The following CDCA5 variants were observed in gnomAD, a reference collection of about 807,000 sequenced individuals.
CDCA5 encodes sororin.
In CDCA5, 14 loss-of-function variants were observed where a neutral mutation model predicts 25.7. The observed-to-expected ratio is 0.54, with a 90% CI of 0.36 to 0.85. The LOEUF is 0.85. Among genes scored for constraint, CDCA5 ranks in the 40% least tolerant of loss-of-function variants. CDCA5 has a pLI of 0.01. For synonymous variants in CDCA5, 127 were observed against 128.7 expected, an observed-to-expected ratio of 0.99 and a Z score of 0.09; for missense variants, 307 against 324.5, an observed-to-expected ratio of 0.95 and a Z score of 0.41.
chr11:65,068,588 C>T, exon 2 of CDCA5: 1 of 1,289,248 alleles, frequency 7.8e-7, no homozygotes, highest in Non-Finnish European at 1.0e-6. Context: ...GGCTCTTTGT[C>T]TGCCCCTAAG....
chr11:65,061,918 T>C (rs965298403), downstream of CDCA5, among the ~76,000 whole-genome samples: 3 of 139,432 alleles, frequency 2.2e-5, no homozygotes, highest in Non-Finnish European at 4.7e-5. Flanking sequence ...TGCCTAATTT[T>C]TTTTTTTTTT....
chr11:65,079,884 A>C, intron 4 of CDCA5, 97 bp from the exon 5 acceptor site: 1 of 901,970 alleles, frequency 1.1e-6, no homozygotes, highest in Non-Finnish European at 1.5e-6. Context: ...GACCCACAGG[A>C]CACACACTTT....
the CDCA5 span, among the ~76,000 whole-genome samples, chr11:65,061,261 T>G: frequency 8.5e-5 from 13 of 152,214 alleles, no homozygotes; most frequent in Admixed American, 5.2e-4. Context: ...CAGCACTAAC[T>G]TGCCAGCCCT....
At chr11:65,082,459 C>CTTTTTTT (rs35061489) in intron 4 of CDCA5, among the ~76,000 whole-genome samples, 3 of 103,068 alleles carry the variant, frequency 2.9e-5, no homozygotes, top group African/African-American at 6.9e-5. Context: ...ACCTACTTGT[C>CTTTTTTT]TTTTTTTTTT....
chr11:65,061,648 A>T (rs1487216295), downstream of CDCA5, among the ~76,000 whole-genome samples: 1 of 151,400 alleles, frequency 6.6e-6, no homozygotes, highest in African/African-American at 2.4e-5. Context: ...GGTGGCGGGC[A>T]CCTGTAGTCC....
At chr11:65,068,684 C>A (rs1049912113) in intron 1 of CDCA5, 3 of 787,746 alleles carry the variant, frequency 3.8e-6, no homozygotes, top group African/African-American at 1.8e-5. Flanking sequence ...TTTTAGGGGG[C>A]GGCTTCCAGC....
Position 65,078,813 on chromosome 11 carries a change from C to T in CDCA5, c.*294G>A, listed in dbSNP as rs1430242041. ...TCTGGCTGGGCCACTGATTCTCCTC[C>T]CCAGTCTGTGGCCCATCTGGAAACT... On this transcript the variant is annotated 3_prime_UTR_variant, in exon 6 of 6. Coordinates refer to ENST00000275517, the MANE Select transcript of CDCA5 (RefSeq NM_080668.4). 3.5e-6 allele frequency: 4 copies of T among 1,145,342 alleles called. No homozygotes were observed. The highest frequency in any genetic ancestry group is 3.5e-4 in the Middle Eastern group (1 of 2,826). The allele number at this position is 1,145,342 out of a possible 1,614,324, so 70.9% of individuals were successfully genotyped here. A position where few individuals can be genotyped will look rare whatever the true frequency, so the allele number is the denominator to read the frequency against.
At chr11:65,062,416 G>A (rs1590781043), downstream of CDCA5, among the ~76,000 whole-genome samples, 1 of 152,026 alleles carries the variant, frequency 6.6e-6, no homozygotes. Context: ...TCTCAGACCC[G>A]GTCCCCTCCC....
At chr11:65,083,449 C>A (rs1402896382) in intron 3 of CDCA5, 36 bp downstream of exon 3, 1 of 1,614,152 alleles carries the variant, frequency 6.2e-7, no homozygotes, top group Admixed American at 1.7e-5. Context: ...CAGTTTTGCC[C>A]GCCTAACCAC....
At chr11:65,083,333 T>C in intron 4 of CDCA5, 31 bp downstream of exon 4, 1 of 1,613,688 alleles carries the variant, frequency 6.2e-7, no homozygotes, top group Non-Finnish European at 8.5e-7. Flanking sequence ...ACCCAGATTC[T>C]ACTTAATTAA....
downstream of CDCA5, among the ~76,000 whole-genome samples, chr11:65,074,543 C>T (rs12099121): frequency 0.059 from 8,899 of 151,974 alleles, 342 homozygotes; most frequent in African/African-American, 0.092. Context: ...TTTCAACTTT[C>T]TCTGGTCTTA....
At chr11:65,071,545 C>T (rs1404329644) in intron 1 of CDCA5, among the ~76,000 whole-genome samples, 1 of 152,002 alleles carries the variant, frequency 6.6e-6, no homozygotes, top group African/African-American at 2.4e-5. Flanking sequence ...GAACCCCTAA[C>T]CTGGTGATCC....
chr11:65,078,085 T>C lies in CDCA5; in HGVS notation c.*1022A>G, dbSNP rs951297830. On this transcript the variant is annotated 3_prime_UTR_variant, in exon 6 of 6. Coordinates refer to ENST00000275517, the MANE Select transcript of CDCA5 (RefSeq NM_080668.4). ...TAGGGAGGCCAAAAACTAAAATTGC[T>C]ATCAGCCCCCGCCGCTGTCTGGTAC... 1 of 985,302 alleles carries C rather than the reference T, an allele frequency of 1.0e-6. No individual in the cohort carries two copies. Among genetic ancestry groups the C allele is most frequent in the Non-Finnish European group, 1.2e-6 (1 of 829,960 alleles). The allele number at this position is 985,302 out of a possible 1,614,324, so 61.0% of individuals were successfully genotyped here. A position where few individuals can be genotyped will look rare whatever the true frequency, so the allele number is the denominator to read the frequency against.
At chr11:65,067,770 G>A in intron 3 of CDCA5, 3 of 1,276,916 alleles carry the variant, frequency 2.3e-6, no homozygotes, top group Non-Finnish European at 3.1e-6. Context: ...CAAGTGGGTA[G>A]TGAAGGTCAG....
intron 1 of CDCA5, among the ~76,000 whole-genome samples, chr11:65,068,798 T>G (rs976191784): frequency 1.1e-4 from 17 of 152,348 alleles, no homozygotes; most frequent in Non-Finnish European, 2.5e-4. Flanking sequence ...AATCTGAATT[T>G]CAGCTGAAAA....
At position 65,077,695 on chromosome 11, in the gene CDCA5, G is replaced by A. The variant is rs990562096; in HGVS notation, c.*1412C>T. 2 of 985,404 alleles carry A rather than the reference G, an allele frequency of 2.0e-6. No individual in the cohort carries two copies. The highest frequency in any genetic ancestry group is 1.7e-5 in the African/African-American group (1 of 57,254). 61.0% of individuals were successfully genotyped at this position (985,404 alleles called of 1,614,324 possible). On this transcript the variant is annotated 3_prime_UTR_variant, in exon 6 of 6. Coordinates refer to ENST00000275517, the MANE Select transcript of CDCA5 (RefSeq NM_080668.4). ...CAAGGACACCTAGGCTTCCCCAGCA[G>A]GGGGCTTGCTTGCAGGTCTGACAAA...
intron 4 of CDCA5, among the ~76,000 whole-genome samples, chr11:65,080,878 A>G (rs1947550889): frequency 6.6e-6 from 1 of 152,246 alleles, no homozygotes; most frequent in Non-Finnish European, 1.5e-5. Flanking sequence ...GCACTACAGG[A>G]AAACAGAACA....
In CDCA5 at chr11:65,067,991, ACTCTCTCT is replaced by A. The variant is rs149675910; in HGVS notation, c.269+28_269+35del. On this transcript the variant is annotated intron_variant, in intron 3 of 6. Transcript: ENST00000525464. ...CGTGCCTGCATGTGCCTGCATGGGC[ACTCTCTCT>A]CTCTCTCTCTCTCTCATGCAGCCTT... 1.5e-5 allele frequency: 17 copies of A among 1,132,098 alleles called. No homozygotes were observed. In the African/African-American group the frequency reaches 1.7e-4, roughly 11 times the overall value. 70.1% of individuals were successfully genotyped at this position (1,132,098 alleles called of 1,614,324 possible).
downstream of CDCA5, among the ~76,000 whole-genome samples, chr11:65,065,065 C>T (rs1408853671): frequency 6.6e-6 from 1 of 151,966 alleles, no homozygotes; most frequent in Non-Finnish European, 1.5e-5. Context: ...CTGTTGTCTC[C>T]CTACAGTGAA....
Sources: gnomAD v4.1 joint callset for allele counts (sites outside exome capture counted in the v4.1 genomes callset) on GRCh38, gnomAD v4.1.1 for gene constraint, MANE v1.5 for transcripts, NCBI Gene and HGNC (gene_info 2026-07-23, HGNC 2026-07-21) for gene names.